Variants in PHF20 observed in about 807,000 individuals in gnomAD.
PHF20 encodes the protein glioma-expressed antigen 2.
A neutral mutation model predicts 113.5 loss-of-function variants in PHF20; 23 were observed. That is an observed-to-expected ratio of 0.20 (90% CI 0.15 to 0.29). The LOEUF is 0.29. Among genes scored for constraint, PHF20 ranks in the 10% least tolerant of loss-of-function variants. The probability of loss-of-function intolerance (pLI) is 1.00; values close to 1 mark genes in which losing one functional copy is unlikely to be tolerated. For missense variants in PHF20, 943 were observed against 1,219.6 expected (o/e 0.77, Z 3.38); for synonymous variants, 434 against 457.3 (o/e 0.95, Z 0.65).
intron 16 of PHF20, among the ~76,000 whole-genome samples, chr20:35,939,989 C>T (rs2055945702): frequency 6.6e-6 from 1 of 152,206 alleles, no homozygotes; most frequent in African/African-American, 2.4e-5. Flanking sequence ...ATTCTGAGCT[C>T]AGCCCCTTAC....
chr20:35,886,530 A>G, intron 9 of PHF20, among the ~76,000 whole-genome samples: 1 of 152,212 alleles, frequency 6.6e-6, no homozygotes, highest in East Asian at 1.9e-4. Context: ...TATATATCAA[A>G]AAGGTATCAA....
chr20:35,849,173 A>G (rs979854825), intron 4 of PHF20, among the ~76,000 whole-genome samples: 4 of 152,150 alleles, frequency 2.6e-5, no homozygotes, highest in African/African-American at 9.7e-5. Context: ...CCTGAAACAG[A>G]AAGTTAGTGG....
Position 35,938,778 on chromosome 20 carries a change from C to T in PHF20, c.2382C>T (p.Asn794=), listed in dbSNP as rs1425744897. ...HSGEGRSHFR[N]IPVTDTRSKE... is the part of the protein sequence containing the mutation. ...GGGAGGGGAGATCTCATTTCAGAAA[C>T]ATCCCTGTCACTGACACCAGGAGCA... is the stretch of plus-strand genomic sequence containing the variant. The change falls in exon 16 of 18, where the codon AAC becomes AAT. Residue 794 remains asparagine, a synonymous_variant. Transcript: ENST00000374012. 1 of 1,614,176 alleles carries T rather than the reference C, an allele frequency of 6.2e-7. No individual in the cohort carries two copies. Among genetic ancestry groups the T allele is most frequent in the Non-Finnish European group, 8.5e-7 (1 of 1,180,014 alleles).
At chr20:35,917,935 C>T (rs1481975657) in intron 13 of PHF20, among the ~76,000 whole-genome samples, 1 of 152,082 alleles carries the variant, frequency 6.6e-6, no homozygotes, top group Non-Finnish European at 1.5e-5. Flanking sequence ...TGGGAAGGGC[C>T]TTGCCTGTGG....
chr20:35,918,656 C>T (rs2147093195), intron 13 of PHF20, among the ~76,000 whole-genome samples: 1 of 152,308 alleles, frequency 6.6e-6, no homozygotes, highest in South Asian at 2.1e-4. Flanking sequence ...TAAGTAATTC[C>T]AGCCAAATTT....
intron 9 of PHF20, among the ~76,000 whole-genome samples, chr20:35,881,552 A>AG (rs929287860): frequency 2.0e-5 from 3 of 151,598 alleles, no homozygotes; most frequent in Non-Finnish European, 2.9e-5. Context: ...AAAAAAAAAA[A>AG]AAAAGAAAAA....
At chr20:35,884,801 A>G (rs1036962167) in intron 9 of PHF20, among the ~76,000 whole-genome samples, 2 of 152,094 alleles carry the variant, frequency 1.3e-5, no homozygotes, top group Non-Finnish European at 2.9e-5. Context: ...GCAATTTACC[A>G]TGTTAGCTTT....
chr20:35,936,573 C>T (rs540518020), intron 15 of PHF20, among the ~76,000 whole-genome samples: 48 of 152,206 alleles, frequency 3.2e-4, no homozygotes, highest in African/African-American at 1.2e-3. Flanking sequence ...AATCCCTGTT[C>T]TTTTCTTTAA....
chr20:35,923,398 C>T (rs1185299107), intron 13 of PHF20, among the ~76,000 whole-genome samples: 1 of 152,106 alleles, frequency 6.6e-6, no homozygotes, highest in Non-Finnish European at 1.5e-5. Context: ...TCCAGGAGTT[C>T]AAAACCAGCT....
At chr20:35,885,946 A>C (rs1349691440) in intron 9 of PHF20, among the ~76,000 whole-genome samples, 1 of 151,772 alleles carries the variant, frequency 6.6e-6, no homozygotes, top group Non-Finnish European at 1.5e-5. Flanking sequence ...TCTAACTTTC[A>C]TCATTCTTTC....
chr20:35,775,838 G>T (rs2041164836), intron 1 of PHF20, among the ~76,000 whole-genome samples: 1 of 151,744 alleles, frequency 6.6e-6, no homozygotes. Context: ...GTGGGGACAG[G>T]GTCTCATTCT....
chr20:35,899,247 T>G (rs1348897791), intron 9 of PHF20, 123 bp from the exon 10 acceptor site: 4 of 724,514 alleles, frequency 5.5e-6, no homozygotes, highest in Non-Finnish European at 9.0e-6. Flanking sequence ...GTAATGGCAG[T>G]CTGATGTCTC....
At chr20:35,815,204 A>G (rs2042050504) in intron 2 of PHF20, among the ~76,000 whole-genome samples, 2 of 152,102 alleles carry the variant, frequency 1.3e-5, no homozygotes, top group African/African-American at 2.4e-5. Context: ...CCCCCGAAAA[A>G]TTATAAATAA....
chr20:35,803,766 T>C (rs1277660021), intron 2 of PHF20, among the ~76,000 whole-genome samples: 3 of 150,746 alleles, frequency 2.0e-5, no homozygotes, highest in Admixed American at 6.7e-5. Context: ...ATATATTATA[T>C]AAGTAGTATC....
chr20:35,828,377 T>G (rs920842338), intron 2 of PHF20, among the ~76,000 whole-genome samples: 3 of 152,132 alleles, frequency 2.0e-5, no homozygotes, highest in African/African-American at 7.2e-5. Context: ...TAGTGGGAAT[T>G]CGGAAGGAAA....
intron 2 of PHF20, among the ~76,000 whole-genome samples, chr20:35,830,187 T>TA (rs1285394460): frequency 1.3e-5 from 2 of 152,208 alleles, no homozygotes; most frequent in Non-Finnish European, 2.9e-5. Flanking sequence ...GTGCTGGGAT[T>TA]ACAGGTGTGA....
chr20:35,889,009 CTTTTTTTTTTT>C lies in PHF20; in HGVS notation c.1283-10346_1283-10336del, dbSNP rs566960589. ...TGACAACCAGTGGCCCTCTTAGTTT[CTTTTTTTTTTT>C]TTTTTTTTTTTTTTGAAATGGAGTC... On this transcript the variant is annotated intron_variant, in intron 9 of 17. Coordinates refer to ENST00000374012, the MANE Select transcript of PHF20 (RefSeq NM_016436.5). 4.3e-4 allele frequency among the ~76,000 whole-genome samples: 43 copies of C among 99,218 alleles called. No individual in the cohort carries two copies. The East Asian group carries it at 8.9e-3, about 21-fold the overall frequency. 65.1% of individuals were successfully genotyped at this position (99,218 alleles called of 152,430 possible).
At chr20:35,836,795 C>T (rs1460225314) in intron 2 of PHF20, among the ~76,000 whole-genome samples, 3 of 145,108 alleles carry the variant, frequency 2.1e-5, no homozygotes, top group Admixed American at 1.4e-4. Context: ...TGCAGTGAGC[C>T]GAGATCACAC....
chr20:35,799,796 T>TA (rs1473530048), intron 1 of PHF20, among the ~76,000 whole-genome samples: 6 of 152,152 alleles, frequency 3.9e-5, no homozygotes, highest in African/African-American at 1.4e-4. Context: ...GCCTCCCAAG[T>TA]AGCTGGGATT....
Sources: allele counts gnomAD v4.1 joint callset (sites outside exome capture counted in the v4.1 genomes callset), GRCh38; gene constraint gnomAD v4.1.1; transcripts MANE v1.5; gene names NCBI Gene and HGNC (gene_info 2026-07-23, HGNC 2026-07-21).